AGL: variants seen among roughly 807,000 people sequenced by gnomAD.
AGL encodes glycogen debranching enzyme.
AGL carries 128 observed loss-of-function variants against 199.3 expected under a neutral mutation model. That is an observed-to-expected ratio of 0.64 (90% CI 0.56 to 0.74). AGL has a LOEUF of 0.74. Ranked by LOEUF, AGL falls within the 30% of genes least tolerant of loss-of-function variation. The pLI is 0.00. For missense variants in AGL, 1,809 were observed against 1,820.8 expected, an observed-to-expected ratio of 0.99 and a Z score of 0.12; for synonymous variants, 584 against 594.7, an observed-to-expected ratio of 0.98 and a Z score of 0.26.
intron 8 of AGL, 128 bp downstream of exon 8, chr1:99,874,938 A>G (rs1570432984): frequency 3.2e-6 from 4 of 1,247,278 alleles, no homozygotes; most frequent in Admixed American, 4.2e-5. Flanking sequence ...CTGTAATTCT[A>G]CTATTTCAGC....
At chr1:99,870,070 G>A (rs116045366) in intron 5 of AGL, among the ~76,000 whole-genome samples, 2,840 of 152,110 alleles carry the variant, frequency 0.019, 47 homozygotes, top group South Asian at 0.07. Flanking sequence ...TCTCAACCTC[G>A]CTTTTATCCA....
chr1:99,862,366 A>G lies in AGL; in HGVS notation c.403A>G (p.Lys135Glu), dbSNP rs772229924. The G allele has an allele frequency of 4.3e-6, 7 of 1,614,104 alleles. No individual in the cohort carries two copies. The highest frequency in any genetic ancestry group is 5.9e-6 in the Non-Finnish European group (7 of 1,179,982). The change falls in exon 4 of 34, where the codon AAG (lysine) becomes GAG (glutamate). Residue 135 changes from lysine (K) to glutamate (E), a missense_variant. By Grantham distance (56) the Lys-to-Glu change is moderately conservative. Transcript: ENST00000361915. Reference sequence around the variant, plus strand: ...TGTTACTCTTCAGACATTTTTAGCTAAGTGTTTGGGACCTTTTGATGAATG... The same window carrying G: ...TGTTACTCTTCAGACATTTTTAGCTGAGTGTTTGGGACCTTTTGATGAATG... ...DCVTLQTFLA[K>E]CLGPFDEWES...
chr1:99,912,554 T>C, intron 29 of AGL, 37 bp downstream of exon 29: 1 of 1,399,270 alleles, frequency 7.1e-7, no homozygotes. Flanking sequence ...AACCTTCAAA[T>C]GTACTATGTA....
chr1:99,869,841 G>A (rs1650835247), intron 5 of AGL, among the ~76,000 whole-genome samples: 1 of 152,036 alleles, frequency 6.6e-6, no homozygotes, highest in Admixed American at 6.6e-5. Flanking sequence ...TTTTAAATAG[G>A]TAGATATAAG....
At chr1:99,884,473 T>C (rs1383291291) in intron 19 of AGL, 22 bp downstream of exon 19, 5 of 1,603,178 alleles carry the variant, frequency 3.1e-6, no homozygotes, top group Middle Eastern at 3.3e-4. Context: ...GAGCTCAAAC[T>C]GTTGACTTTA....
At chr1:99,900,956 C>A (rs1311980324) in intron 26 of AGL, 95 bp downstream of exon 26, 5 of 1,116,786 alleles carry the variant, frequency 4.5e-6, no homozygotes, top group Non-Finnish European at 6.5e-6. Flanking sequence ...AATTAAGAAT[C>A]CAAATCTTAC....
At chr1:99,870,365 A>G in intron 5 of AGL, 35 bp from the exon 6 acceptor site, 1 of 1,590,622 alleles carries the variant, frequency 6.3e-7, no homozygotes, top group Admixed American at 1.7e-5. Context: ...CAATTTAATT[A>G]TGAGATACTC....
chr1:99,891,311 C>CT lies in AGL; in HGVS notation c.2905dup (p.Tyr969LeufsTer4), dbSNP rs1652879873. 6.2e-7 allele frequency: 1 copy of CT among 1,613,732 alleles called. No homozygotes were observed. The highest frequency in any genetic ancestry group is 8.5e-7 in the Non-Finnish European group (1 of 1,179,768). On this transcript the variant is annotated frameshift_variant, in exon 22 of 34. Coordinates refer to ENST00000361915, the MANE Select transcript of AGL (RefSeq NM_000642.3). LOFTEE classifies it high-confidence loss of function. ...TGAGATCTGGAGATTGGATGATTGACTATGTCAGTAACCGGCTTATTTCAC... is the reference window on the plus strand; with the variant it reads ...TGAGATCTGGAGATTGGATGATTGACTTATGTCAGTAACCGGCTTATTTCAC...
chr1:99,867,685 A>G (rs949869311), intron 5 of AGL, among the ~76,000 whole-genome samples: 12 of 151,536 alleles, frequency 7.9e-5, no homozygotes, highest in Non-Finnish European at 1.6e-4. Context: ...CCTCCCGAGT[A>G]GTTGGAATTA....
chr1:99,921,490 T>G, intron 33 of AGL, 44 bp from the exon 34 acceptor site: 1 of 1,393,008 alleles, frequency 7.2e-7, no homozygotes, highest in South Asian at 1.2e-5. Context: ...TTTGTTAATA[T>G]GAATTAAATT....
At chr1:99,849,849 G>T (rs889656827), upstream of AGL, among the ~76,000 whole-genome samples, 2 of 152,248 alleles carry the variant, frequency 1.3e-5, no homozygotes, top group African/African-American at 4.8e-5. Context: ...ATCCTACTGT[G>T]CAGCTCAACC....
chr1:99,903,591 A>G (rs1654021824), intron 27 of AGL, among the ~76,000 whole-genome samples: 1 of 152,190 alleles, frequency 6.6e-6, no homozygotes, highest in Non-Finnish European at 1.5e-5. Context: ...TGCTGCAATG[A>G]ACATACGTGT....
At chr1:99,907,280 A>G (rs1654359432) in intron 27 of AGL, among the ~76,000 whole-genome samples, 2 of 152,132 alleles carry the variant, frequency 1.3e-5, no homozygotes, top group African/African-American at 4.8e-5. Context: ...TACATATGAG[A>G]ATTTCATTTC....
chr1:99,855,185 A>T (rs199793312), intron 2 of AGL, among the ~76,000 whole-genome samples: 1 of 152,132 alleles, frequency 6.6e-6, no homozygotes, highest in Non-Finnish European at 1.5e-5. Context: ...CGGGCAACAG[A>T]GCGAGACTCC....
chr1:99,915,624 A>G, intron 31 of AGL, 138 bp downstream of exon 31: 1 of 708,998 alleles, frequency 1.4e-6, no homozygotes, highest in Non-Finnish European at 2.4e-6. Context: ...AAAAAAAATT[A>G]GTTGGGAGAG....
intron 24 of AGL, among the ~76,000 whole-genome samples, chr1:99,894,595 G>A (rs984422773): frequency 3.9e-5 from 6 of 152,044 alleles, no homozygotes; most frequent in Admixed American, 2.6e-4. Context: ...ATTTTGTACC[G>A]TCATTTTGGA....
intron 2 of AGL, among the ~76,000 whole-genome samples, chr1:99,856,476 TGGGTGTTTCTCGCAG>T (rs1649470930): frequency 6.6e-6 from 1 of 151,548 alleles, no homozygotes; most frequent in Non-Finnish European, 1.5e-5. Context: ...TGATCATTCT[TGGGTGTTTCTCGCAG>T]AGGGGGATTT....
At chr1:99,855,226 AG>A (rs1451028538) in intron 2 of AGL, among the ~76,000 whole-genome samples, 12 of 152,084 alleles carry the variant, frequency 7.9e-5, no homozygotes. Flanking sequence ...AGAAAAAGAG[AG>A]GACAAAGTAT....
chr1:99,908,690 A>C (rs1436081748), intron 27 of AGL, among the ~76,000 whole-genome samples: 1 of 152,116 alleles, frequency 6.6e-6, no homozygotes, highest in Non-Finnish European at 1.5e-5. Context: ...TGGCCTGACA[A>C]GTAGTTTTTC....
Sources: gnomAD v4.1 joint callset for allele counts (sites outside exome capture counted in the v4.1 genomes callset) on GRCh38, gnomAD v4.1.1 for gene constraint, MANE v1.5 for transcripts, NCBI Gene and HGNC (gene_info 2026-07-23, HGNC 2026-07-21) for gene names.